The following ANO3 variants were observed in gnomAD, a reference collection of about 807,000 sequenced individuals.
ANO3 encodes anoctamin 3, also known as anoctamin-3.
In ANO3, 99 loss-of-function variants were observed where a neutral mutation model predicts 144.8. The observed-to-expected ratio is 0.68, with a 90% CI of 0.58 to 0.81. The LOEUF is 0.81. Among genes scored for constraint, ANO3 ranks in the 30% least tolerant of loss-of-function variants. The pLI, the probability that ANO3 is intolerant of heterozygous loss-of-function variation, is 0.00. For missense variants in ANO3, 905 were observed against 1,202.2 expected, an observed-to-expected ratio of 0.75 and a Z score of 3.66; for synonymous variants, 414 against 392.6, an observed-to-expected ratio of 1.05 and a Z score of -0.64.
chr11:26,210,642 G>T (rs1851913168), intron 1 of ANO3, among the ~76,000 whole-genome samples: 1 of 152,038 alleles, frequency 6.6e-6, no homozygotes, highest in Admixed American at 6.6e-5. Context: ...ATTTGTTTGT[G>T]TCCTCTCTTA....
At chr11:26,588,890 T>C (rs1035325892) in intron 14 of ANO3, among the ~76,000 whole-genome samples, 6 of 152,264 alleles carry the variant, frequency 3.9e-5, no homozygotes, top group African/African-American at 1.4e-4. Flanking sequence ...GTAACAGTGA[T>C]TCTGGTCTGC....
At chr11:26,444,034 A>G (rs1330738229) in intron 3 of ANO3, among the ~76,000 whole-genome samples, 198 bp downstream of exon 3, 28 of 152,202 alleles carry the variant, frequency 1.8e-4, no homozygotes, top group Non-Finnish European at 2.9e-5. Context: ...AGGATTTATG[A>G]TGAGCAACAG....
chr11:26,438,923 T>C (rs1207572786), intron 1 of ANO3, among the ~76,000 whole-genome samples: 1 of 152,202 alleles, frequency 6.6e-6, no homozygotes, highest in East Asian at 1.9e-4. Flanking sequence ...TCAGATTTTC[T>C]GGTTTTAAAA....
At chr11:26,249,049 C>A (rs1034801363) in intron 1 of ANO3, among the ~76,000 whole-genome samples, 1 of 152,066 alleles carries the variant, frequency 6.6e-6, no homozygotes, top group Non-Finnish European at 1.5e-5. Flanking sequence ...TGGAGACTGT[C>A]GCTTTAGATG....
At chr11:26,634,454 G>A (rs1852886540) in intron 19 of ANO3, 139 bp downstream of exon 19, 1 of 582,256 alleles carries the variant, frequency 1.7e-6, no homozygotes, top group Non-Finnish European at 3.0e-6. Flanking sequence ...AAACCTATTT[G>A]CTGCATTTGA....
chr11:26,273,394 A>C (rs1853489197), intron 1 of ANO3, among the ~76,000 whole-genome samples: 1 of 152,000 alleles, frequency 6.6e-6, no homozygotes, highest in African/African-American at 2.4e-5. Context: ...TACACATGTA[A>C]TTTTATGGAA....
intron 4 of ANO3, among the ~76,000 whole-genome samples, chr11:26,465,124 TTGTGTGTGTGTGTGTGTGTGTGTG>T (rs36230269): frequency 6.9e-6 from 1 of 145,300 alleles, no homozygotes; most frequent in Non-Finnish European, 1.5e-5. Context: ...CATCATTAAA[TTGTGTGTGTGTGTGTGTGTGTGTG>T]TGTGTGTGTG....
At chr11:26,289,617 T>A (rs189532569) in intron 1 of ANO3, among the ~76,000 whole-genome samples, 103 of 81,338 alleles carry the variant, frequency 1.3e-3, no homozygotes, top group East Asian at 4.8e-3. Flanking sequence ...ACACATATAT[T>A]CTATATGTGT....
rs762889808 is a variant in ANO3 at position 26,643,331 on chromosome 11, A to G, written c.2425A>G (p.Ile809Val). Reference sequence around the variant, plus strand: ...GCCTTTGCCAGCCCGAGCAACTGACATAGGTAAGATTCGGAAGTTAAATGA... The same window carrying G: ...GCCTTTGCCAGCCCGAGCAACTGACGTAGGTAAGATTCGGAAGTTAAATGA... The part of the protein sequence containing the change: ...RRPLPARATD[I>V]GIWLGILEGI... Residue 809 changes from isoleucine to valine, a missense_variant, in exon 23 of 27, where the codon ATA (isoleucine) becomes GTA (valine). By Grantham distance (29) the Ile-to-Val change is conservative. Around this residue, in one of 4 missense-constraint regions of ANO3, gnomAD observed 597 missense variants for 865.1 expected, o/e 0.69. Coordinates refer to ENST00000256737, the MANE Select transcript of ANO3 (RefSeq NM_031418.4). 2 of 1,613,810 alleles carry G rather than the reference A, an allele frequency of 1.2e-6. No homozygotes were observed. Among genetic ancestry groups the G allele is most frequent in the African/African-American group, 1.3e-5 (1 of 74,924 alleles).
At chr11:26,259,361 T>C (rs901993987) in intron 1 of ANO3, among the ~76,000 whole-genome samples, 3 of 152,018 alleles carry the variant, frequency 2.0e-5, no homozygotes, top group African/African-American at 2.4e-5. Flanking sequence ...TAGAAAGTGA[T>C]AAAAATGGCC....
intron 14 of ANO3, among the ~76,000 whole-genome samples, chr11:26,576,118 G>A (rs1014691824): frequency 6.6e-5 from 10 of 152,142 alleles, no homozygotes; most frequent in African/African-American, 2.4e-4. Context: ...TAATCACCAA[G>A]GAAGCAGTGT....
chr11:26,335,910 T>C (rs772328448), intron 1 of ANO3, among the ~76,000 whole-genome samples: 1 of 152,236 alleles, frequency 6.6e-6, no homozygotes, highest in Non-Finnish European at 1.5e-5. Context: ...TTTTGAATTT[T>C]ACTCCACTGT....
At chr11:26,451,165 A>G (rs1457302358) in intron 3 of ANO3, among the ~76,000 whole-genome samples, 1 of 152,154 alleles carries the variant, frequency 6.6e-6, no homozygotes, top group Non-Finnish European at 1.5e-5. Context: ...GACGCAGAAG[A>G]CAGGTGATTT....
In ANO3 at chr11:26,525,615, G is replaced by GT; in HGVS notation, c.693-16dup. On this transcript the variant is annotated intron_variant, in intron 6 of 26. Transcript: ENST00000256737. ...TATTTTCCTGTGGCTTTCCTTAGCT[G>GT]TTTTCTATTATTTTTTCAGGAAAAA... 6.2e-7 allele frequency: 1 copy of GT among 1,605,408 alleles called. No homozygotes were observed.
rs148429427 is a variant in ANO3 at position 26,273,177 on chromosome 11, T to C, written c.155-36468T>C. Among the ~76,000 whole-genome samples, 34 of 152,188 alleles carry C rather than the reference T, an allele frequency of 2.2e-4. 1 individual carries two copies. The East Asian group carries it at 6.4e-3, about 28-fold the overall frequency. ...TTTTGGATTGGTTCCATCAATGCTT[T>C]TTTCTTAAAATCAGGAAGTACCTTT... On this transcript the variant is annotated intron_variant, in intron 1 of 27. Transcript: ENST00000672621.
At chr11:26,587,465 C>A (rs964401402) in intron 14 of ANO3, among the ~76,000 whole-genome samples, 25 of 152,172 alleles carry the variant, frequency 1.6e-4, no homozygotes, top group Non-Finnish European at 3.7e-4. Flanking sequence ...CTGGTTAATG[C>A]AACTGTTCTA....
chr11:26,246,551 T>G (rs574573156), intron 1 of ANO3, among the ~76,000 whole-genome samples: 5 of 150,742 alleles, frequency 3.3e-5, no homozygotes, highest in Non-Finnish European at 7.4e-5. Flanking sequence ...ACTGTTCATG[T>G]CTTTTGCTTA....
intron 17 of ANO3, 30 bp downstream of exon 17, chr11:26,599,744 G>A (rs1159938456): frequency 6.3e-7 from 1 of 1,581,954 alleles, no homozygotes; most frequent in South Asian, 1.2e-5. Context: ...TTCTTCAGTA[G>A]ACAAAAAAGG....
intron 18 of ANO3, among the ~76,000 whole-genome samples, chr11:26,630,570 A>G (rs7107528): frequency 0.35 from 53,155 of 152,160 alleles, 9,857 homozygotes; most frequent in South Asian, 0.48. Flanking sequence ...TTTATAAAAA[A>G]CAGTTTATAA....
Sources: allele counts gnomAD v4.1 joint callset (sites outside exome capture counted in the v4.1 genomes callset), GRCh38; gene constraint gnomAD v4.1.1; regional missense constraint gnomAD v4.1.1; transcripts MANE v1.5; gene names NCBI Gene and HGNC (gene_info 2026-07-23, HGNC 2026-07-21).